Variants in LRCH4 observed in about 807,000 individuals in gnomAD.
LRCH4 encodes the protein leucine rich repeats and calponin homology domain containing 4, also known as leucine-rich repeat and calponin homology domain-containing protein 4.
In LRCH4, 56 loss-of-function variants were observed where a neutral mutation model predicts 81.2. The ratio of observed to expected loss-of-function variants is 0.69; its 90% CI spans 0.56 to 0.86. The LOEUF (loss-of-function observed/expected upper bound fraction) is 0.86. LRCH4 is among the 40% of genes least tolerant of loss of function. The pLI, the probability that LRCH4 is intolerant of heterozygous loss-of-function variation, is 0.00. For synonymous variants in LRCH4, 442 were observed against 409.7 expected, an observed-to-expected ratio of 1.08 and a Z score of -0.95; for missense variants, 895 against 922.8, an observed-to-expected ratio of 0.97 and a Z score of 0.39.
In LRCH4 at chr7:100,583,976, C is replaced by T; in HGVS notation, c.221-1517G>A. 1 of 363,316 alleles carries T rather than the reference C, an allele frequency of 2.8e-6. No homozygotes were observed. Among genetic ancestry groups the T allele is most frequent in the Non-Finnish European group, 5.6e-6 (1 of 179,868 alleles). 22.5% of individuals were successfully genotyped at this position (363,316 alleles called of 1,614,324 possible). On this transcript the variant is annotated intron_variant, in intron 1 of 17. Transcript: ENST00000310300. The surrounding 1 kb of genome is among the most constrained non-coding windows in gnomAD (Gnocchi z 4.3). ...ATGTGGTCTGGGAGAGAATGAGCTG[C>T]ACTTCTCCTTTGCAAGATGGCCCCT... is the stretch of plus-strand genomic sequence containing the variant.
chr7:100,578,567 C>A lies in LRCH4; in HGVS notation c.736-56G>T. On this transcript the variant is annotated intron_variant, in intron 5 of 17. Coordinates refer to ENST00000310300, the MANE Select transcript of LRCH4 (RefSeq NM_002319.5). The surrounding 1 kb of genome is among the most constrained non-coding windows in gnomAD (Gnocchi z 5.7). Reference sequence around the variant, plus strand: ...TGGCAGGGAGGGCAGCTCCCCGGATCCTGCTCAGCTATCCAAGGGGACCAA... The same window carrying A: ...TGGCAGGGAGGGCAGCTCCCCGGATACTGCTCAGCTATCCAAGGGGACCAA... 1 of 1,600,792 alleles carries A rather than the reference C, an allele frequency of 6.2e-7. No homozygotes were observed. The highest frequency in any genetic ancestry group is 1.1e-5 in the South Asian group (1 of 89,472).
In LRCH4 at chr7:100,577,865, G is replaced by C. The variant is rs1210725927; in HGVS notation, c.996C>G (p.Ala332=). The change falls in exon 8 of 18, where the codon GCC becomes GCG. Residue 332 remains alanine, a synonymous_variant. Coordinates refer to ENST00000310300, the MANE Select transcript of LRCH4 (RefSeq NM_002319.5). This position sits in a 1 kb window ranked among gnomAD's most constrained non-coding sequence, Gnocchi z 6.7. The stretch of plus-strand genomic sequence containing the variant: ...GTTCTCTGGGTCCCCGGGGCTCCCG[G>C]GCCAGCTCTGAGATCCGGAATGACA... ...SELSFRISEL[A]REPRGPRERK... is the part of the protein sequence containing the mutation. 3 of 1,613,954 alleles carry C rather than the reference G, an allele frequency of 1.9e-6. No individual in the cohort carries two copies. The East Asian group carries it at 6.7e-5, about 36-fold the overall frequency.
chr7:100,577,678 GCTCTTCATCCTCC>G lies in LRCH4; in HGVS notation c.1089_1101del (p.Asp365AlafsTer11), dbSNP rs1284054268. On this transcript the variant is annotated frameshift_variant, in exon 9 of 18. Transcript: ENST00000310300. LOFTEE classifies it high-confidence loss of function. This position sits in a 1 kb window ranked among gnomAD's most constrained non-coding sequence, Gnocchi z 6.7. ...TGGGCTCTCACCTCCACAGTGCCTC[GCTCTTCATCCTCC>G]CCGGGGACATGGCTGTCGATGAAGT... 7.4e-6 allele frequency: 12 copies of G among 1,613,774 alleles called. No homozygotes were observed. The highest frequency in any genetic ancestry group is 1.0e-5 in the Non-Finnish European group (12 of 1,179,984).
At position 100,575,789 on chromosome 7, in the gene LRCH4, T is replaced by G. The variant is rs1584403079; in HGVS notation, c.1777-7A>C. 6.2e-7 allele frequency: 1 copy of G among 1,606,740 alleles called. No individual in the cohort carries two copies. The highest frequency in any genetic ancestry group is 2.2e-5 in the East Asian group (1 of 44,688). On this transcript the variant is annotated splice_polypyrimidine_tract_variant and splice_region_variant and intron_variant, in intron 16 of 17. Coordinates refer to ENST00000310300, the MANE Select transcript of LRCH4 (RefSeq NM_002319.5). This position sits in a 1 kb window ranked among gnomAD's most constrained non-coding sequence, Gnocchi z 5.3. ...TGAGGGCACTGAGTTTTGGCTGGGG[T>G]GGGTGAAAGAAGAAAATGTGGTAAG... is the stretch of plus-strand genomic sequence containing the variant.
chr7:100,580,788 CACAG>C (rs1801523723), intron 4 of LRCH4: 1 of 150,498 alleles, frequency 6.6e-6, no homozygotes. Context: ...CACGAACAGA[CACAG>C]ACACACATAC....
In LRCH4 at chr7:100,574,705, C is replaced by T. The variant is rs962864593; in HGVS notation, c.*402G>A. 3.7e-5 allele frequency: 7 copies of T among 187,888 alleles called. No homozygotes were observed. Among genetic ancestry groups the T allele is most frequent in the Non-Finnish European group, 5.6e-5 (5 of 88,914 alleles). The allele number at this position is 187,888 out of a possible 1,614,324, so 11.6% of individuals were successfully genotyped here. On this transcript the variant is annotated 3_prime_UTR_variant, in exon 18 of 18. Transcript: ENST00000310300. Reference sequence around the variant, plus strand: ...CACAGAGATAGGGACCCGGCCTGGGCCCCGAACCCCTACAAATATAGATCC... The same window carrying T: ...CACAGAGATAGGGACCCGGCCTGGGTCCCGAACCCCTACAAATATAGATCC...
In LRCH4 at chr7:100,576,932, A is replaced by AGGCAGG. The variant is rs758827634; in HGVS notation, c.1432_1437dup (p.Pro478_Ala479dup). 2.6e-6 allele frequency: 4 copies of AGGCAGG among 1,567,034 alleles called. No individual in the cohort carries two copies. The highest frequency in any genetic ancestry group is 2.3e-5 in the East Asian group (1 of 43,238). ...CCAGCTATGGGAAGGGGCTCTTGGG[A>AGGCAGG]GGCAGGGGCAGGGGCGGGGGCTCCC... is the stretch of plus-strand genomic sequence containing the variant. On this transcript the variant is annotated inframe_insertion, in exon 13 of 18. Transcript: ENST00000310300.
At position 100,574,756 on chromosome 7, in the gene LRCH4, C is replaced by G. The variant is rs1340263891; in HGVS notation, c.*351G>C. ...TCTCTACAAAATAGAGATAATTTAG[C>G]CCCCCCATAGCAGCTGTTGGGGGGG... On this transcript the variant is annotated 3_prime_UTR_variant, in exon 18 of 18. Coordinates refer to ENST00000310300, the MANE Select transcript of LRCH4 (RefSeq NM_002319.5). 3.9e-6 allele frequency: 1 copy of G among 254,776 alleles called. No homozygotes were observed. The highest frequency in any genetic ancestry group is 7.6e-6 in the Non-Finnish European group (1 of 131,476). 15.8% of individuals were successfully genotyped at this position (254,776 alleles called of 1,614,324 possible).
rs149222783 is a variant in LRCH4, at chr7:100,581,868, G to A, written c.507C>T (p.Asn169=). 2.5e-4 allele frequency: 411 copies of A among 1,614,036 alleles called. No homozygotes were observed. Among genetic ancestry groups the A allele is most frequent in the Admixed American group, 5.0e-4 (30 of 60,004 alleles). The change falls in exon 4 of 18, where the codon AAC becomes AAT. Residue 169 remains asparagine, a synonymous_variant. Coordinates refer to ENST00000310300, the MANE Select transcript of LRCH4 (RefSeq NM_002319.5). Reference sequence around the variant, plus strand: ...GTTCCGAGGGCAGGGATTGGAGCTCGTTGCTGCTCACGTCCTGGTATCAGG... The same window carrying A: ...GTTCCGAGGGCAGGGATTGGAGCTCATTGCTGCTCACGTCCTGGTATCAGG... ...GSLRQLDVSS[N]ELQSLPSELC... is the part of the protein sequence containing the mutation.
chr7:100,578,103 AGAGGT>A lies in LRCH4; in HGVS notation c.948+51_948+55del. 1 of 1,556,838 alleles carries A rather than the reference AGAGGT, an allele frequency of 6.4e-7. No individual in the cohort carries two copies. The highest frequency in any genetic ancestry group is 1.4e-5 in the African/African-American group (1 of 73,824). Reference sequence around the variant, plus strand: ...CCTGCAATTTGGAGGTCCCCAGTTCAGAGGTGCTCTCCCAGGGCTGACACCCTCAA... The same window carrying A: ...CCTGCAATTTGGAGGTCCCCAGTTCAGCTCTCCCAGGGCTGACACCCTCAA... On this transcript the variant is annotated intron_variant, in intron 7 of 17. Transcript: ENST00000310300. The surrounding 1 kb of genome is among the most constrained non-coding windows in gnomAD (Gnocchi z 5.7).
At chr7:100,585,790 GGGGCGGGCCCGACTCCCGGGCC>G in intron 1 of LRCH4, 69 bp downstream of exon 1, 1 of 1,361,342 alleles carries the variant, frequency 7.3e-7, no homozygotes, top group Non-Finnish European at 9.7e-7. Context: ...GCCAGGTGAA[GGGGCGGGCCCGACTCCCGGGCC>G]GGGCGGGGCC....
At chr7:100,579,173 A>C (rs1316038880) in intron 4 of LRCH4, 1 of 222,658 alleles carries the variant, frequency 4.5e-6, no homozygotes, top group Non-Finnish European at 9.1e-6. Flanking sequence ...TGTGACATGC[A>C]ACCAGGGCTG....
In LRCH4 at chr7:100,576,893, C is replaced by G; in HGVS notation, c.1468+9G>C. ...AGGCCCCATCCTCCTCCCAAAATCC[C>G]TGTCCCACCTGGTCCAGCTATGGGA... On this transcript the variant is annotated intron_variant, in intron 13 of 17. Coordinates refer to ENST00000310300, the MANE Select transcript of LRCH4 (RefSeq NM_002319.5). 6.5e-7 allele frequency: 1 copy of G among 1,547,168 alleles called. No homozygotes were observed. The highest frequency in any genetic ancestry group is 8.8e-7 in the Non-Finnish European group (1 of 1,142,458).
chr7:100,579,165 T>G, intron 4 of LRCH4: 1 of 230,338 alleles, frequency 4.3e-6, no homozygotes, highest in Non-Finnish European at 8.7e-6. Flanking sequence ...ACACCTCCTG[T>G]GACATGCAAC....
Position 100,575,575 on chromosome 7 carries a change from T to C in LRCH4, c.1854+130A>G, listed in dbSNP as rs761018007. 4.4e-6 allele frequency: 5 copies of C among 1,148,832 alleles called. No individual in the cohort carries two copies. The highest frequency in any genetic ancestry group is 1.9e-4 in the Middle Eastern group (1 of 5,220). 71.2% of individuals were successfully genotyped at this position (1,148,832 alleles called of 1,614,324 possible). A position where few individuals can be genotyped will look rare whatever the true frequency, so the allele number is the denominator to read the frequency against. ...GGGGCATGCAGGGCAGGGGGCATGCTGGGCAGGGCAGGGGCAGCCTGTGCC... is the reference window on the plus strand; with the variant it reads ...GGGGCATGCAGGGCAGGGGGCATGCCGGGCAGGGCAGGGGCAGCCTGTGCC... On this transcript the variant is annotated intron_variant, in intron 17 of 17. Transcript: ENST00000310300. This position sits in a 1 kb window ranked among gnomAD's most constrained non-coding sequence, Gnocchi z 5.3.
At position 100,577,862 on chromosome 7, in the gene LRCH4, C is replaced by G. The variant is rs951160388; in HGVS notation, c.999G>C (p.Arg333=). The change falls in exon 8 of 18, where the codon CGG becomes CGC. Residue 333 remains arginine, a synonymous_variant. Transcript: ENST00000310300. The surrounding 1 kb of genome is among the most constrained non-coding windows in gnomAD (Gnocchi z 6.7). ...TGCGTTCTCTGGGTCCCCGGGGCTCCCGGGCCAGCTCTGAGATCCGGAATG... is the reference window on the plus strand; with the variant it reads ...TGCGTTCTCTGGGTCCCCGGGGCTCGCGGGCCAGCTCTGAGATCCGGAATG... ...ELSFRISELA[R]EPRGPRERKE... 1 of 1,613,886 alleles carries G rather than the reference C, an allele frequency of 6.2e-7. No individual in the cohort carries two copies.
intron 1 of LRCH4, chr7:100,585,165 C>G: frequency 5.0e-6 from 1 of 198,310 alleles, no homozygotes; most frequent in Non-Finnish European, 1.1e-5. Flanking sequence ...CGGGGGAAAG[C>G]AGAAACTGAA....
In LRCH4 at chr7:100,575,466, G is replaced by C. The variant is rs1302052652; in HGVS notation, c.1855-162C>G. The C allele has an allele frequency of 1.2e-6, 1 of 833,960 alleles. No homozygotes were observed. The highest frequency in any genetic ancestry group is 2.0e-6 in the Non-Finnish European group (1 of 503,346). The allele number at this position is 833,960 out of a possible 1,614,324, so 51.7% of individuals were successfully genotyped here. On this transcript the variant is annotated intron_variant, in intron 17 of 17. Transcript: ENST00000310300. This position sits in a 1 kb window ranked among gnomAD's most constrained non-coding sequence, Gnocchi z 5.3. The stretch of plus-strand genomic sequence containing the variant: ...TGCAGTGCAGGAGGAGTGCAGGGCA[G>C]GGCATGTGCAGGACAGGTGACATGC...
chr7:100,582,061 G>T lies in LRCH4; in HGVS notation c.472C>A (p.Leu158Met). 1 of 1,610,584 alleles carries T rather than the reference G, an allele frequency of 6.2e-7. No individual in the cohort carries two copies. The highest frequency in any genetic ancestry group is 1.1e-5 in the South Asian group (1 of 90,962). The change falls in exon 3 of 18, where the codon CTG becomes ATG. Residue 158 changes from leucine (L) to methionine (M), a missense_variant. Transcript: ENST00000310300. The surrounding 1 kb of genome is among the most constrained non-coding windows in gnomAD (Gnocchi z 5.0). The part of the protein sequence containing the change: ...LGALPPDIGT[L>M]GSLRQLDVSS... ...CTCACAAGCTGTCGCAGGCTTCCCA[G>T]GGTGCCGATGTCAGGGGGCAGGGCT...
Sources: gnomAD v4.1 joint callset for allele counts on GRCh38, gnomAD v4.1.1 for gene constraint, Gnocchi (gnomAD v3.1) non-coding constraint, MANE v1.5 for transcripts, NCBI Gene and HGNC (gene_info 2026-07-23, HGNC 2026-07-21) for gene names.